The following HSF2BP variants were observed in gnomAD, a reference collection of about 807,000 sequenced individuals.
The protein encoded by HSF2BP is heat shock factor 2-binding protein.
In HSF2BP, 35 loss-of-function variants were observed where a neutral mutation model predicts 35.0. The observed-to-expected ratio is 1.00, with a 90% CI of 0.76 to 1.32. The LOEUF (loss-of-function observed/expected upper bound fraction) is 1.32. Among genes scored for constraint, HSF2BP ranks in the 40% most tolerant of loss-of-function variants. HSF2BP has a pLI of 0.00. For missense variants in HSF2BP, 326 were observed against 321.7 expected, an observed-to-expected ratio of 1.01 and a Z score of -0.10; for synonymous variants, 114 against 117.4, an observed-to-expected ratio of 0.97 and a Z score of 0.18.
At chr21:43,644,604 G>T (rs2082684246) in intron 3 of HSF2BP, among the ~76,000 whole-genome samples, 1 of 152,162 alleles carries the variant, frequency 6.6e-6, no homozygotes, top group South Asian at 2.1e-4. Context: ...ACAGCACAAA[G>T]GACTTTGGTT....
Position 43,631,970 on chromosome 21 carries a change from C to A in HSF2BP, c.441+1302G>T, listed in dbSNP as rs1335570379. Among the ~76,000 whole-genome samples, 70 of 85,476 alleles carry A rather than the reference C, an allele frequency of 8.2e-4. 1 individual carries two copies. The highest frequency in any genetic ancestry group is 2.6e-3 in the African/African-American group (50 of 19,034). 56.1% of individuals were successfully genotyped at this position (85,476 alleles called of 152,430 possible). On this transcript the variant is annotated intron_variant, in intron 5 of 8. Coordinates refer to ENST00000291560, the MANE Select transcript of HSF2BP (RefSeq NM_007031.2). The stretch of plus-strand genomic sequence containing the variant: ...GCTCACAGGCACACACACTCCCCCC[C>A]CACACACGCTCCCCACACACACACT...
chr21:43,625,697 A>G (rs1245785883), intron 6 of HSF2BP, among the ~76,000 whole-genome samples: 1 of 152,214 alleles, frequency 6.6e-6, no homozygotes, highest in Non-Finnish European at 1.5e-5. Context: ...TTTGAGACTC[A>G]TAAGCCCCCA....
intron 5 of HSF2BP, 27 bp from the exon 6 acceptor site, chr21:43,630,481 T>C: frequency 1.2e-6 from 2 of 1,601,148 alleles, no homozygotes; most frequent in Non-Finnish European, 8.5e-7. Context: ...CAGAGTGTCA[T>C]ATCTTTTTAC....
intron 7 of HSF2BP, among the ~76,000 whole-genome samples, chr21:43,598,806 T>A (rs138185184): frequency 2.0e-5 from 3 of 152,312 alleles, no homozygotes; most frequent in Non-Finnish European, 4.4e-5. Context: ...CAGTGAGGTG[T>A]CGAATCCAGT....
At chr21:43,639,099 GA>G (rs1178352264) in intron 4 of HSF2BP, among the ~76,000 whole-genome samples, 1 of 151,906 alleles carries the variant, frequency 6.6e-6, no homozygotes, top group Non-Finnish European at 1.5e-5. Flanking sequence ...ATAAGCCAAA[GA>G]AAAAAATATT....
Position 43,658,329 on chromosome 21 carries a change from C to T in HSF2BP, c.-224-9G>A. The T allele has an allele frequency of 1.8e-6, 1 of 547,662 alleles. No homozygotes were observed. The allele number at this position is 547,662 out of a possible 1,614,324, so 33.9% of individuals were successfully genotyped here. A position where few individuals can be genotyped will look rare whatever the true frequency, so the allele number is the denominator to read the frequency against. ...GGTTTTAAACTTGTTATCTGCAAAG[C>T]AGAAGGAAAGTCAGCCCCTGATGTA... On this transcript the variant is annotated splice_polypyrimidine_tract_variant and intron_variant, in intron 1 of 8. Transcript: ENST00000291560.
intron 8 of HSF2BP, among the ~76,000 whole-genome samples, chr21:43,576,526 T>C (rs1270844764): frequency 1.3e-5 from 2 of 152,242 alleles, no homozygotes; most frequent in South Asian, 2.1e-4. Context: ...TTGCTGTTCA[T>C]GACAAAGGCG....
intron 8 of HSF2BP, among the ~76,000 whole-genome samples, chr21:43,578,970 G>A (rs1448361801): frequency 6.6e-6 from 1 of 152,094 alleles, no homozygotes; most frequent in African/African-American, 2.4e-5. Flanking sequence ...GGCCCAGGAT[G>A]TCCAAGTTTT....
chr21:43,615,541 A>G (rs941537541), intron 6 of HSF2BP, among the ~76,000 whole-genome samples: 2 of 152,200 alleles, frequency 1.3e-5, no homozygotes, highest in Admixed American at 6.5e-5. Flanking sequence ...AGTAAAGTCT[A>G]CTAAACCTAA....
intron 2 of HSF2BP, 72 bp from the exon 3 acceptor site, chr21:43,656,809 C>T: frequency 7.4e-7 from 1 of 1,352,798 alleles, no homozygotes. Flanking sequence ...AGTTAACTTG[C>T]TTTTCTTTCA....
At chr21:43,616,228 T>C (rs2082269148) in intron 6 of HSF2BP, among the ~76,000 whole-genome samples, 2 of 152,094 alleles carry the variant, frequency 1.3e-5, no homozygotes, top group African/African-American at 2.4e-5. Context: ...CTTCCAAGGA[T>C]GGACAGGAAG....
intron 5 of HSF2BP, among the ~76,000 whole-genome samples, 197 bp downstream of exon 5, chr21:43,633,075 G>C (rs2082503766): frequency 6.6e-6 from 1 of 152,224 alleles, no homozygotes; most frequent in African/African-American, 2.4e-5. Flanking sequence ...CTCCTGGAGA[G>C]AAGGGATCTT....
intron 7 of HSF2BP, 109 bp downstream of exon 7, chr21:43,613,721 T>C (rs1238166728): frequency 3.1e-5 from 24 of 777,430 alleles, no homozygotes; most frequent in Non-Finnish European, 5.0e-5. Context: ...TTTCTTCTAG[T>C]TTTTAAAACT....
chr21:43,654,820 G>C (rs1233706221), intron 3 of HSF2BP, among the ~76,000 whole-genome samples: 1 of 152,216 alleles, frequency 6.6e-6, no homozygotes, highest in Non-Finnish European at 1.5e-5. Flanking sequence ...ACTGCCTAGG[G>C]AGAAGCCATG....
intron 4 of HSF2BP, among the ~76,000 whole-genome samples, chr21:43,636,825 G>A (rs1395335704): frequency 6.7e-6 from 1 of 150,246 alleles, no homozygotes; most frequent in Non-Finnish European, 1.5e-5. Flanking sequence ...CTGGGAGGTG[G>A]AGGCTGCAGT....
chr21:43,649,040 A>G (rs140334260), intron 3 of HSF2BP, among the ~76,000 whole-genome samples: 4 of 152,062 alleles, frequency 2.6e-5, no homozygotes, highest in Non-Finnish European at 5.9e-5. Flanking sequence ...TCATTTGCTC[A>G]TCATTCATTT....
intron 7 of HSF2BP, among the ~76,000 whole-genome samples, chr21:43,596,119 C>T (rs188086361): frequency 6.6e-6 from 1 of 152,082 alleles, no homozygotes; most frequent in Admixed American, 6.5e-5. Flanking sequence ...CATAAAGGCA[C>T]AAATTGATAA....
At chr21:43,604,857 ACC>A (rs1003792591) in intron 7 of HSF2BP, among the ~76,000 whole-genome samples, 9 of 142,964 alleles carry the variant, frequency 6.3e-5, no homozygotes, top group African/African-American at 2.1e-4. Flanking sequence ...CACACACCAC[ACC>A]CACACACCAC....
chr21:43,571,848 C>T (rs2146655470), intron 8 of HSF2BP, among the ~76,000 whole-genome samples: 1 of 139,428 alleles, frequency 7.2e-6, no homozygotes, highest in Middle Eastern at 3.5e-3. Flanking sequence ...CTGACCAGAG[C>T]CCCTTCCGGT....
Sources: gnomAD v4.1 joint callset for allele counts (sites outside exome capture counted in the v4.1 genomes callset) on GRCh38, gnomAD v4.1.1 for gene constraint, MANE v1.5 for transcripts, NCBI Gene and HGNC (gene_info 2026-07-23, HGNC 2026-07-21) for gene names.